CHST12: variants seen among roughly 807,000 people sequenced by gnomAD.
CHST12 encodes carbohydrate sulfotransferase 12.
Under a neutral mutation model 27.9 loss-of-function variants are expected in CHST12, and 23 were observed. The observed-to-expected ratio is 0.82, with a 90% confidence interval of 0.59 to 1.17. The LOEUF (loss-of-function observed/expected upper bound fraction) is 1.17. Ranked by LOEUF, CHST12 falls within the 50% of genes most tolerant of loss-of-function variation. CHST12 has a pLI of 0.00. For synonymous variants in CHST12, 322 were observed against 273.0 expected (o/e 1.18, Z -1.77); for missense variants, 682 against 603.0 (o/e 1.13, Z -1.37).
chr7:2,428,731 T>C (rs1782198179), intron 1 of CHST12, among the ~76,000 whole-genome samples: 1 of 152,328 alleles, frequency 6.6e-6, no homozygotes, highest in South Asian at 2.1e-4. Flanking sequence ...ATCAGTAATT[T>C]CTAACAGCCT....
In CHST12 at chr7:2,433,274, C is replaced by A. The variant is rs138409451; in HGVS notation, c.635C>A (p.Ala212Glu). Residue 212 changes from alanine to glutamate, a missense_variant, in exon 2 of 2, where the codon GCG becomes GAG. Transcript: ENST00000618655. This position sits in a 1 kb window ranked among gnomAD's most constrained non-coding sequence, Gnocchi z 6.1. ...CGCGAGCACGTGCACAACGCCAGCG[C>A]GCACCTGACCTTCAACAAGTTCTGG... ...IPREHVHNAS[A>E]HLTFNKFWRR... The A allele has an allele frequency of 1.9e-6, 3 of 1,611,862 alleles. No homozygotes were observed. Among genetic ancestry groups the A allele is most frequent in the Admixed American group, 1.7e-5 (1 of 59,996 alleles).
Position 2,434,139 on chromosome 7 carries a change from C to A in CHST12, c.*255C>A. The A allele has an allele frequency of 6.0e-6, 2 of 335,870 alleles. No homozygotes were observed. Among genetic ancestry groups the A allele is most frequent in the Admixed American group, 4.6e-5 (1 of 21,892 alleles). The allele number at this position is 335,870 out of a possible 1,614,324, so 20.8% of individuals were successfully genotyped here. Reference sequence around the variant, plus strand: ...CCGCCCGCCCGCTCGCCCGCTCGCCCGCTCCTGTGGTTTTTCTGAGCGTGC... The same window carrying A: ...CCGCCCGCCCGCTCGCCCGCTCGCCAGCTCCTGTGGTTTTTCTGAGCGTGC... On this transcript the variant is annotated 3_prime_UTR_variant, in exon 2 of 2. Coordinates refer to ENST00000618655, the MANE Select transcript of CHST12 (RefSeq NM_018641.5).
chr7:2,427,743 T>C (rs1782163694), intron 1 of CHST12, among the ~76,000 whole-genome samples: 1 of 152,186 alleles, frequency 6.6e-6, no homozygotes, highest in Non-Finnish European at 1.5e-5. Context: ...CTTGTTAATA[T>C]GATAGATTAC....
At chr7:2,405,429 G>T (rs962677898) in intron 1 of CHST12, among the ~76,000 whole-genome samples, 3 of 152,174 alleles carry the variant, frequency 2.0e-5, no homozygotes, top group Admixed American at 6.5e-5. Flanking sequence ...GGGCAACAGA[G>T]TAAAAAAAAG....
chr7:2,415,952 A>G (rs944196047), intron 1 of CHST12, among the ~76,000 whole-genome samples: 2 of 152,186 alleles, frequency 1.3e-5, no homozygotes, highest in African/African-American at 4.8e-5. Flanking sequence ...TGCTGCATTT[A>G]TTGACTCTTA....
chr7:2,415,067 A>G (rs1410787655), intron 1 of CHST12, among the ~76,000 whole-genome samples: 1 of 152,170 alleles, frequency 6.6e-6, no homozygotes, highest in Non-Finnish European at 1.5e-5. Context: ...TTCCCAGTGC[A>G]TATAAAAGTT....
At chr7:2,428,389 A>C (rs1258933209) in intron 1 of CHST12, among the ~76,000 whole-genome samples, 1 of 151,954 alleles carries the variant, frequency 6.6e-6, no homozygotes, top group African/African-American at 2.4e-5. Context: ...TAGAGACGGT[A>C]TTGTGGGATC....
chr7:2,403,631 GGCT>G lies in CHST12; in HGVS notation c.-117_-115del. On this transcript the variant is annotated 5_prime_UTR_variant, in exon 1 of 2. Coordinates refer to ENST00000618655, the MANE Select transcript of CHST12 (RefSeq NM_018641.5). The stretch of plus-strand genomic sequence containing the variant: ...CCGCTAGTCGCGGGGCGGCGGCGGC[GGCT>G]GCGGGCGCGAGGTGAGGGGCGCGAG... 6.5e-6 allele frequency: 1 copy of G among 153,282 alleles called. No homozygotes were observed. Among genetic ancestry groups the G allele is most frequent in the Non-Finnish European group, 1.4e-5 (1 of 69,194 alleles). The allele number at this position is 153,282 out of a possible 1,614,324, so 9.5% of individuals were successfully genotyped here.
chr7:2,405,826 A>G (rs1311970858), intron 1 of CHST12, among the ~76,000 whole-genome samples: 1 of 152,156 alleles, frequency 6.6e-6, no homozygotes, highest in African/African-American at 2.4e-5. Context: ...TTAGACCTGC[A>G]GAGTTGGCGG....
intron 1 of CHST12, among the ~76,000 whole-genome samples, chr7:2,421,032 A>T (rs759547061): frequency 1.3e-5 from 2 of 150,898 alleles, no homozygotes; most frequent in African/African-American, 2.4e-5. Context: ...CTGGCCCCTC[A>T]TATGGTAATT....
chr7:2,404,973 G>C (rs1392926549), intron 1 of CHST12, among the ~76,000 whole-genome samples: 1 of 152,174 alleles, frequency 6.6e-6, no homozygotes, highest in Non-Finnish European at 1.5e-5. Flanking sequence ...AGACTGTGGT[G>C]CAGGCGTTAA....
chr7:2,433,945 T>C lies in CHST12; in HGVS notation c.*61T>C. The C allele has an allele frequency of 1.4e-6, 2 of 1,451,834 alleles. No individual in the cohort carries two copies. Among genetic ancestry groups the C allele is most frequent in the Non-Finnish European group, 1.9e-6 (2 of 1,074,072 alleles). 89.9% of individuals were successfully genotyped at this position (1,451,834 alleles called of 1,614,324 possible). On this transcript the variant is annotated 3_prime_UTR_variant, in exon 2 of 2. Coordinates refer to ENST00000618655, the MANE Select transcript of CHST12 (RefSeq NM_018641.5). The surrounding 1 kb of genome is among the most constrained non-coding windows in gnomAD (Gnocchi z 6.1). ...CCTGACGCACGCGCACTCCAGTTTT[T>C]TTATGACCTACGATTTTGCAATCTG...
In CHST12 at chr7:2,432,814, G is replaced by A; in HGVS notation, c.175G>A (p.Glu59Lys). ...LPTPGPDRDR[E>K]LTADSDVDEF... ...CACGCCCGGGCCGGACAGGGACAGG[G>A]AGCTCACGGCCGACTCCGATGTCGA... Residue 59 changes from glutamate to lysine, a missense_variant, in exon 2 of 2, where the codon GAG becomes AAG. By Grantham distance (56) the Glu-to-Lys change is moderately conservative. Transcript: ENST00000618655. 1 of 1,613,838 alleles carries A rather than the reference G, an allele frequency of 6.2e-7. No homozygotes were observed. Among genetic ancestry groups the A allele is most frequent in the Non-Finnish European group, 8.5e-7 (1 of 1,179,866 alleles).
intron 1 of CHST12, among the ~76,000 whole-genome samples, chr7:2,408,542 G>C (rs1280787173): frequency 6.6e-6 from 1 of 152,134 alleles, no homozygotes; most frequent in Non-Finnish European, 1.5e-5. Context: ...CAATTAAAAT[G>C]AAAAGAAGCA....
chr7:2,439,329 A>G lies in CHST12; in HGVS notation c.*5445A>G, dbSNP rs1255482048. ...TCTTACTCTGCCAGGACCCAGGGAT[A>G]GGTGAGGCTCTCCTATTGGGATACC... On this transcript the variant is annotated 3_prime_UTR_variant, in exon 2 of 2. Coordinates refer to ENST00000618655, the MANE Select transcript of CHST12 (RefSeq NM_018641.5). 6.6e-6 allele frequency: 1 copy of G among 152,154 alleles called. No homozygotes were observed. Among genetic ancestry groups the G allele is most frequent in the Non-Finnish European group, 1.5e-5 (1 of 68,032 alleles). 9.4% of individuals were successfully genotyped at this position (152,154 alleles called of 1,614,324 possible). A position where few individuals can be genotyped will look rare whatever the true frequency, so the allele number is the denominator to read the frequency against.
chr7:2,404,226 A>G (rs1781460444), intron 1 of CHST12: 1 of 152,298 alleles, frequency 6.6e-6, no homozygotes, highest in South Asian at 2.1e-4. Flanking sequence ...GGTATCCCTT[A>G]AATGACCTCT....
chr7:2,412,088 G>T (rs1781682611), intron 1 of CHST12, among the ~76,000 whole-genome samples: 1 of 152,136 alleles, frequency 6.6e-6, no homozygotes, highest in Admixed American at 6.5e-5. Context: ...TACTTCAAAG[G>T]CTAAGTTTGG....
At chr7:2,410,961 C>T (rs530762851) in intron 1 of CHST12, among the ~76,000 whole-genome samples, 1 of 152,088 alleles carries the variant, frequency 6.6e-6, no homozygotes, top group East Asian at 1.9e-4. Flanking sequence ...GAGCCTGTTG[C>T]AATAACGCAG....
At chr7:2,421,756 G>A (rs949913090) in intron 1 of CHST12, among the ~76,000 whole-genome samples, 1 of 151,804 alleles carries the variant, frequency 6.6e-6, no homozygotes, top group Admixed American at 6.6e-5. Context: ...ATTTTTTATA[G>A]AGATAGGGTC....
Sources: gnomAD v4.1 joint callset for allele counts (sites outside exome capture counted in the v4.1 genomes callset) on GRCh38, gnomAD v4.1.1 for gene constraint, Gnocchi (gnomAD v3.1) non-coding constraint, MANE v1.5 for transcripts, NCBI Gene and HGNC (gene_info 2026-07-23, HGNC 2026-07-21) for gene names.